STK39: variants seen among roughly 807,000 people sequenced by gnomAD.
STK39 encodes the protein serine/threonine kinase 39, also known as STE20/SPS1-related proline-alanine-rich protein kinase.
Under a neutral mutation model 77.8 loss-of-function variants are expected in STK39, and 20 were observed. The observed-to-expected ratio is 0.26, with a 90% confidence interval of 0.18 to 0.37. The LOEUF (loss-of-function observed/expected upper bound fraction) is 0.37, where lower values mean the gene tolerates loss of function less well. Ranked by LOEUF, STK39 falls within the 10% of genes least tolerant of loss-of-function variation. STK39 has a pLI of 1.00. For synonymous variants in STK39, 246 were observed against 234.1 expected (o/e 1.05, Z -0.47); for missense variants, 479 against 656.5 (o/e 0.73, Z 2.95).
intron 1 of STK39, among the ~76,000 whole-genome samples, chr2:168,187,628 C>A (rs1418428587): frequency 6.6e-6 from 1 of 152,184 alleles, no homozygotes; most frequent in Non-Finnish European, 1.5e-5. Context: ...AGGGAAATCC[C>A]CCCAGGTCAA....
At chr2:168,079,047 C>A (rs1686157539) in intron 10 of STK39, among the ~76,000 whole-genome samples, 2 of 152,326 alleles carry the variant, frequency 1.3e-5, no homozygotes, top group South Asian at 4.1e-4. Flanking sequence ...AAAAATATTT[C>A]TAATTAATTG....
intron 1 of STK39, among the ~76,000 whole-genome samples, chr2:168,244,433 C>A (rs1229997041): frequency 6.6e-6 from 1 of 152,176 alleles, no homozygotes; most frequent in Non-Finnish European, 1.5e-5. Context: ...TCTGTTCAGG[C>A]ACATCTGAGC....
chr2:168,200,539 T>C (rs1689587144), intron 1 of STK39, among the ~76,000 whole-genome samples: 1 of 151,896 alleles, frequency 6.6e-6, no homozygotes, highest in Non-Finnish European at 1.5e-5. Flanking sequence ...TAGCCAGGTG[T>C]GGTGGCATGC....
At chr2:167,973,090 T>A (rs1692394654) in intron 16 of STK39, among the ~76,000 whole-genome samples, 1 of 152,216 alleles carries the variant, frequency 6.6e-6, no homozygotes, top group Admixed American at 6.5e-5. Context: ...ATGTGTGTAA[T>A]GTTTATATAA....
At chr2:167,964,866 A>G in intron 16 of STK39, 140 bp from the exon 17 acceptor site, 1 of 658,828 alleles carries the variant, frequency 1.5e-6, no homozygotes, top group Non-Finnish European at 2.6e-6. Context: ...AAGTCCATAT[A>G]AATGACCAAA....
intron 14 of STK39, among the ~76,000 whole-genome samples, chr2:168,047,855 T>G (rs1574419593): frequency 6.6e-6 from 1 of 152,202 alleles, no homozygotes; most frequent in East Asian, 1.9e-4. Flanking sequence ...CATTAATACT[T>G]TGTGGCCAGG....
At position 168,247,307 on chromosome 2, in the gene STK39, CG is replaced by C; in HGVS notation, c.128del (p.Pro43ArgfsTer47). On this transcript the variant is annotated frameshift_variant, in exon 1 of 18. Transcript: ENST00000355999. LOFTEE classifies it high-confidence loss of function. ...GTGCCGCCGGGGCCGGGGCCGGGGC[CG>C]GGGCCGCGGGAGCTGCCGGGGCCGG... ...AAPAPAAPAA[P>X]APAPAPAAQA... is the part of the protein sequence containing the mutation. 9.6e-7 allele frequency: 1 copy of C among 1,036,674 alleles called. No homozygotes were observed. The highest frequency in any genetic ancestry group is 1.2e-6 in the Non-Finnish European group (1 of 861,660). 64.2% of individuals were successfully genotyped at this position (1,036,674 alleles called of 1,614,324 possible). A position where few individuals can be genotyped will look rare whatever the true frequency, so the allele number is the denominator to read the frequency against.
intron 1 of STK39, among the ~76,000 whole-genome samples, chr2:168,209,996 C>CAA (rs71003026): frequency 0.061 from 3,409 of 55,600 alleles, 230 homozygotes; most frequent in East Asian, 0.34. Flanking sequence ...GACTCTATCT[C>CAA]AAAAAAAAAA....
chr2:168,006,514 G>A (rs1472060760), intron 16 of STK39, among the ~76,000 whole-genome samples: 1 of 152,120 alleles, frequency 6.6e-6, no homozygotes, highest in Admixed American at 6.5e-5. Context: ...AAGGAAACAA[G>A]GAGTTTCTCT....
intron 12 of STK39, among the ~76,000 whole-genome samples, chr2:168,068,611 C>A (rs897104253): frequency 5.9e-5 from 9 of 152,196 alleles, no homozygotes; most frequent in African/African-American, 2.2e-4. Context: ...ACTGTCCCTG[C>A]AACGTTTCTA....
At chr2:167,984,002 T>C (rs1478454323) in intron 16 of STK39, among the ~76,000 whole-genome samples, 4 of 151,870 alleles carry the variant, frequency 2.6e-5, no homozygotes, top group Non-Finnish European at 4.4e-5. Context: ...GGGGTCAAGA[T>C]TGGGGAGGTG....
intron 15 of STK39, 33 bp downstream of exon 15, chr2:168,017,010 G>C: frequency 6.5e-7 from 1 of 1,539,530 alleles, no homozygotes; most frequent in Admixed American, 1.8e-5. Context: ...TGCTCTTTGA[G>C]GCAATAAAAT....
intron 16 of STK39, among the ~76,000 whole-genome samples, chr2:167,990,287 A>G (rs983401877): frequency 6.6e-6 from 1 of 152,182 alleles, no homozygotes; most frequent in Non-Finnish European, 1.5e-5. Context: ...TTTTGGCAAG[A>G]TTATGCAGAG....
chr2:168,136,677 T>G (rs1397537260), intron 8 of STK39, among the ~76,000 whole-genome samples: 1 of 152,220 alleles, frequency 6.6e-6, no homozygotes, highest in African/African-American at 2.4e-5. Context: ...GATCAAATTC[T>G]GTTTTCTTGA....
chr2:168,013,981 C>G (rs1353318431), intron 15 of STK39, among the ~76,000 whole-genome samples: 1 of 151,968 alleles, frequency 6.6e-6, no homozygotes, highest in Non-Finnish European at 1.5e-5. Context: ...GATGCAGCAG[C>G]CAAAGATCAT....
chr2:168,044,023 A>G (rs2105356250), intron 14 of STK39, among the ~76,000 whole-genome samples: 1 of 152,358 alleles, frequency 6.6e-6, no homozygotes, highest in East Asian at 1.9e-4. Flanking sequence ...CTTTATCAAA[A>G]TAATTATTAT....
At chr2:167,959,497 C>T (rs751430598) in intron 17 of STK39, among the ~76,000 whole-genome samples, 3 of 152,028 alleles carry the variant, frequency 2.0e-5, no homozygotes, top group Non-Finnish European at 2.9e-5. Context: ...GCCAAATATC[C>T]GAGTCTGAAA....
chr2:168,134,114 TC>T (rs1357736594), intron 8 of STK39, among the ~76,000 whole-genome samples: 3 of 152,276 alleles, frequency 2.0e-5, no homozygotes, highest in East Asian at 1.9e-4. Flanking sequence ...ATCAAACAAT[TC>T]AGCATAATGT....
chr2:168,047,053 A>C (rs949042855), intron 14 of STK39, among the ~76,000 whole-genome samples: 6 of 152,206 alleles, frequency 3.9e-5, no homozygotes, highest in Admixed American at 3.9e-4. Context: ...AAAGAGAATG[A>C]AGCATTGTTA....
Sources: allele counts gnomAD v4.1 joint callset (sites outside exome capture counted in the v4.1 genomes callset), GRCh38; gene constraint gnomAD v4.1.1; transcripts MANE v1.5; gene names NCBI Gene and HGNC (gene_info 2026-07-23, HGNC 2026-07-21).